HNRNPLL: variants seen among roughly 807,000 people sequenced by gnomAD.
HNRNPLL encodes the protein heterogeneous nuclear ribonucleoprotein L like.
In HNRNPLL, 25 loss-of-function variants were observed where a neutral mutation model predicts 67.1. That is an observed-to-expected ratio of 0.37 (90% confidence interval 0.27 to 0.52). The LOEUF (loss-of-function observed/expected upper bound fraction) is 0.52. Ranked by LOEUF, HNRNPLL falls within the 20% of genes least tolerant of loss-of-function variation. The probability of loss-of-function intolerance (pLI) is 0.90; values close to 1 mark genes in which losing one functional copy is unlikely to be tolerated. For missense variants in HNRNPLL, 542 were observed against 673.9 expected, an observed-to-expected ratio of 0.80 and a Z score of 2.17; for synonymous variants, 267 against 241.7, an observed-to-expected ratio of 1.10 and a Z score of -0.97.
Position 38,577,444 on chromosome 2 carries a change from C to G in HNRNPLL, c.874+17G>C. On this transcript the variant is annotated intron_variant, in intron 7 of 12. Coordinates refer to ENST00000449105, the MANE Select transcript of HNRNPLL (RefSeq NM_138394.4). ...ACAGTTCATCTATACTACCTTCTTTCTACCTTGACAACTTACCATAGCCAT... is the reference window on the plus strand; with the variant it reads ...ACAGTTCATCTATACTACCTTCTTTGTACCTTGACAACTTACCATAGCCAT... 6.6e-7 allele frequency: 1 copy of G among 1,520,058 alleles called. No individual in the cohort carries two copies. The highest frequency in any genetic ancestry group is 9.1e-7 in the Non-Finnish European group (1 of 1,094,778). The allele number at this position is 1,520,058 out of a possible 1,614,324, so 94.2% of individuals were successfully genotyped here.
rs890885450 is a variant in HNRNPLL at position 38,562,050 on chromosome 2, A to G, written c.*2132T>C. 1 of 152,176 alleles carries G rather than the reference A, an allele frequency of 6.6e-6. No individual in the cohort carries two copies. Among genetic ancestry groups the G allele is most frequent in the African/African-American group, 2.4e-5 (1 of 41,448 alleles). 9.4% of individuals were successfully genotyped at this position (152,176 alleles called of 1,614,324 possible). ...GAGATGGGATTTCAATATTTTTTTTAAAAACTCAAAGCTAGTATTATTTCT... is the reference window on the plus strand; with the variant it reads ...GAGATGGGATTTCAATATTTTTTTTGAAAACTCAAAGCTAGTATTATTTCT... On this transcript the variant is annotated 3_prime_UTR_variant, in exon 13 of 13. Transcript: ENST00000449105.
intron 12 of HNRNPLL, chr2:38,565,952 C>T: frequency 1.2e-6 from 1 of 827,454 alleles, no homozygotes; most frequent in Non-Finnish European, 1.5e-6. Context: ...GTTATTCCAG[C>T]CATAAATCAT....
At chr2:38,582,529 C>G (rs575782898) in intron 4 of HNRNPLL, among the ~76,000 whole-genome samples, 3 of 152,142 alleles carry the variant, frequency 2.0e-5, no homozygotes, top group African/African-American at 7.2e-5. Flanking sequence ...CCAGGATTGT[C>G]TCGATCTCTT....
chr2:38,565,266 A>G (rs1210835550), intron 12 of HNRNPLL, among the ~76,000 whole-genome samples: 1 of 152,222 alleles, frequency 6.6e-6, no homozygotes. Flanking sequence ...AAAAACATAC[A>G]TAACTGTCCC....
intron 1 of HNRNPLL, among the ~76,000 whole-genome samples, chr2:38,592,298 T>C (rs1489247375): frequency 1.3e-5 from 2 of 152,206 alleles, no homozygotes; most frequent in Non-Finnish European, 2.9e-5. Flanking sequence ...AAAATCAAAA[T>C]CTCAACTAGT....
rs192765286 is a variant in HNRNPLL, at chr2:38,579,729, A to T, written c.802+2184T>A. ...TTGAAAAAAGTGAGGGTATGTTTTT[A>T]AAAAAGTTTTTATTTTTTTTGGTTA... On this transcript the variant is annotated intron_variant, in intron 6 of 12. Transcript: ENST00000449105. 7.2e-3 allele frequency among the ~76,000 whole-genome samples: 1,050 copies of T among 146,180 alleles called. 19 individuals carry two copies. The highest frequency in any genetic ancestry group is 0.026 in the African/African-American group (985 of 37,564).
chr2:38,564,187 A>G lies in HNRNPLL; in HGVS notation c.1624T>C (p.Leu542=). ...TCTAACATGCTCTTCTCTTCTTATA[A>G]ATGGGATGATGTAGAAAAGCAAAGC... The part of the protein sequence containing the change: ...LKLCFSTSSH[L] Residue 542 remains leucine (L), a synonymous_variant, in exon 13 of 13, where the codon TTA becomes CTA. Transcript: ENST00000449105. The G allele has an allele frequency of 6.5e-7, 1 of 1,541,032 alleles. No individual in the cohort carries two copies. The highest frequency in any genetic ancestry group is 9.0e-7 in the Non-Finnish European group (1 of 1,113,982).
At chr2:38,579,382 A>G (rs986990520) in intron 6 of HNRNPLL, among the ~76,000 whole-genome samples, 2 of 152,048 alleles carry the variant, frequency 1.3e-5, no homozygotes, top group African/African-American at 4.8e-5. Context: ...CACATTGTGC[A>G]CATGTACCCT....
chr2:38,588,047 C>T (rs1333440749), intron 2 of HNRNPLL, among the ~76,000 whole-genome samples: 3 of 151,986 alleles, frequency 2.0e-5, no homozygotes, highest in Non-Finnish European at 2.9e-5. Flanking sequence ...TGCCATGATT[C>T]TAAGTTTTCT....
intron 6 of HNRNPLL, 41 bp downstream of exon 6, chr2:38,581,872 T>C (rs1466089515): frequency 7.6e-7 from 1 of 1,315,166 alleles, no homozygotes; most frequent in East Asian, 2.3e-5. Flanking sequence ...TAAAAATTTG[T>C]CAGCAGATCA....
At chr2:38,571,206 A>C (rs1666069049) in intron 8 of HNRNPLL, among the ~76,000 whole-genome samples, 1 of 152,194 alleles carries the variant, frequency 6.6e-6, no homozygotes, top group Non-Finnish European at 1.5e-5. Flanking sequence ...TAAAGTTTAT[A>C]AATTAGGCAC....
intron 8 of HNRNPLL, among the ~76,000 whole-genome samples, chr2:38,571,955 T>C (rs757212516): frequency 2.6e-4 from 40 of 152,158 alleles, no homozygotes; most frequent in Non-Finnish European, 5.4e-4. Context: ...ACTAAAGATG[T>C]TGATTAAATT....
intron 2 of HNRNPLL, among the ~76,000 whole-genome samples, chr2:38,588,316 G>T (rs1666813092): frequency 6.6e-6 from 1 of 152,154 alleles, no homozygotes; most frequent in African/African-American, 2.4e-5. Flanking sequence ...TTGGGAGGCG[G>T]AGGTGGGTGG....
chr2:38,597,088 T>C (rs1667224859), intron 1 of HNRNPLL, among the ~76,000 whole-genome samples: 1 of 152,242 alleles, frequency 6.6e-6, no homozygotes, highest in Non-Finnish European at 1.5e-5. Context: ...CTTTAAATGC[T>C]AATTTTGACT....
chr2:38,594,684 C>T (rs943999447), intron 1 of HNRNPLL, among the ~76,000 whole-genome samples: 8 of 152,308 alleles, frequency 5.3e-5, no homozygotes, highest in Admixed American at 4.6e-4. Flanking sequence ...CACAGTGGCT[C>T]ATGCCTGTAA....
chr2:38,602,739 CCGCGGCCCGGCCGTCCGCGGGGACTG>C lies in HNRNPLL; in HGVS notation c.-139_-114del, dbSNP rs1463856386. 5.3e-6 allele frequency: 8 copies of C among 1,497,054 alleles called. No individual in the cohort carries two copies. The highest frequency in any genetic ancestry group is 2.6e-5 in the South Asian group (2 of 78,136). The allele number at this position is 1,497,054 out of a possible 1,614,324, so 92.7% of individuals were successfully genotyped here. On this transcript the variant is annotated 5_prime_UTR_variant, in exon 1 of 13. Transcript: ENST00000449105. ...GGCAGCGCCTCTTCTGCGAGGGTCT[CCGCGGCCCGGCCGTCCGCGGGGACTG>C]CGCGGCCAGGAGACTGGCGGCTGAG...
At chr2:38,578,834 G>A (rs1261784785) in intron 6 of HNRNPLL, among the ~76,000 whole-genome samples, 2 of 151,984 alleles carry the variant, frequency 1.3e-5, no homozygotes, top group Non-Finnish European at 2.9e-5. Flanking sequence ...CTTAGTCGTT[G>A]GCCAAAACCT....
intron 6 of HNRNPLL, among the ~76,000 whole-genome samples, chr2:38,580,192 T>C (rs1270116972): frequency 2.0e-5 from 3 of 152,164 alleles, no homozygotes; most frequent in Admixed American, 2.0e-4. Context: ...GGTCAATAAC[T>C]GTAAATTGAC....
chr2:38,584,882 T>C (rs1187045574), intron 3 of HNRNPLL, among the ~76,000 whole-genome samples: 1 of 152,002 alleles, frequency 6.6e-6, no homozygotes, highest in African/African-American at 2.4e-5. Flanking sequence ...ACTAGATTAG[T>C]TACATGTTTT....
Sources: allele counts gnomAD v4.1 joint callset (sites outside exome capture counted in the v4.1 genomes callset), GRCh38; gene constraint gnomAD v4.1.1; transcripts MANE v1.5; gene names NCBI Gene and HGNC (gene_info 2026-07-23, HGNC 2026-07-21).